MDGA2: variants seen among roughly 807,000 people sequenced by gnomAD.
The protein encoded by MDGA2 is MAM domain containing glycosylphosphatidylinositol anchor 2, also known as MAM domain-containing glycosylphosphatidylinositol anchor protein 2.
MDGA2 carries 40 observed loss-of-function variants against 117.8 expected under a neutral mutation model. The ratio of observed to expected loss-of-function variants is 0.34; its 90% CI spans 0.26 to 0.44. The LOEUF is 0.44. MDGA2 is among the 20% of genes least tolerant of loss of function. The pLI is 1.00. For synonymous variants in MDGA2, 452 were observed against 439.0 expected, an observed-to-expected ratio of 1.03 and a Z score of -0.37; for missense variants, 1,123 against 1,250.6, an observed-to-expected ratio of 0.90 and a Z score of 1.54.
chr14:47,563,578 GTTTTTTTTTTTTTTT>G (rs56244321), intron 1 of MDGA2, among the ~76,000 whole-genome samples: 2,610 of 57,030 alleles, frequency 0.046, 68 homozygotes, highest in East Asian at 0.19. Context: ...GCTTTTTTCT[GTTTTTTTTTTTTTTT>G]TTTTTTTTTT....
At chr14:46,878,021 T>C (rs756665408) in intron 11 of MDGA2, among the ~76,000 whole-genome samples, 1 of 151,940 alleles carries the variant, frequency 6.6e-6, no homozygotes, top group African/African-American at 2.4e-5. Context: ...TGTACTAAAA[T>C]GAATAGCTAC....
intron 1 of MDGA2, among the ~76,000 whole-genome samples, chr14:47,308,247 A>G (rs2139833564): frequency 6.6e-6 from 1 of 152,290 alleles, no homozygotes; most frequent in African/African-American, 2.4e-5. Flanking sequence ...ACCGCTATTT[A>G]GGCTTACTCA....
intron 9 of MDGA2, among the ~76,000 whole-genome samples, chr14:46,955,559 C>T (rs894470600): frequency 2.6e-5 from 4 of 152,042 alleles, no homozygotes; most frequent in African/African-American, 9.7e-5. Flanking sequence ...TATTTTCACA[C>T]CCCTTCTGAC....
chr14:47,476,542 A>G (rs1051487998), intron 1 of MDGA2, among the ~76,000 whole-genome samples: 1 of 152,166 alleles, frequency 6.6e-6, no homozygotes, highest in Non-Finnish European at 1.5e-5. Flanking sequence ...AGTGAAGAAA[A>G]AAAATAGAAA....
At chr14:47,407,850 A>G (rs566932150) in intron 1 of MDGA2, among the ~76,000 whole-genome samples, 15 of 152,270 alleles carry the variant, frequency 9.9e-5, no homozygotes, top group African/African-American at 3.1e-4. Flanking sequence ...GTTAAACAAA[A>G]CAGGTGCAGA....
At chr14:47,397,242 A>T (rs547324813) in intron 1 of MDGA2, among the ~76,000 whole-genome samples, 1 of 152,212 alleles carries the variant, frequency 6.6e-6, no homozygotes, top group Non-Finnish European at 1.5e-5. Context: ...AGAAAACCAA[A>T]CACCACATGT....
intron 5 of MDGA2, among the ~76,000 whole-genome samples, chr14:47,120,182 G>A (rs900758456): frequency 2.0e-5 from 3 of 152,104 alleles, no homozygotes; most frequent in South Asian, 2.1e-4. Context: ...AAGTAAAAAC[G>A]TAAAGAGTAG....
intron 1 of MDGA2, among the ~76,000 whole-genome samples, chr14:47,443,259 A>G (rs1324305331): frequency 1.3e-5 from 2 of 152,142 alleles, no homozygotes; most frequent in East Asian, 3.9e-4. Context: ...TCCAGAGTGC[A>G]TGATAAATGC....
Position 47,162,462 on chromosome 14 carries a change from G to A in MDGA2, c.596-18188C>T, listed in dbSNP as rs185333327. On this transcript the variant is annotated intron_variant, in intron 3 of 16. Coordinates refer to ENST00000399232, the MANE Select transcript of MDGA2 (RefSeq NM_001113498.3). ...AGATATTATTCTGCTGCCTTTTATC[G>A]TTTGAAATCAAATATAAGAACTCTG... Among the ~76,000 whole-genome samples the A allele has an allele frequency of 2.4e-4, 37 of 151,980 alleles. 1 individual carries two copies. The highest frequency in any genetic ancestry group is 1.6e-3 in the East Asian group (8 of 5,148).
At chr14:46,966,541 A>G (rs1417935598) in intron 8 of MDGA2, among the ~76,000 whole-genome samples, 1 of 152,222 alleles carries the variant, frequency 6.6e-6, no homozygotes, top group Non-Finnish European at 1.5e-5. Context: ...AATTTAAAGA[A>G]AAATGTTACA....
rs565154936 is a variant in MDGA2 at position 47,176,011 on chromosome 14, T to C, written c.596-31737A>G. On this transcript the variant is annotated intron_variant, in intron 3 of 16. Transcript: ENST00000399232. ...AGCATTCTTATACACCAATAACAGA[T>C]GAACAGAGAGCCAAATCATGAGTGA... 5.9e-4 allele frequency among the ~76,000 whole-genome samples: 90 copies of C among 152,018 alleles called. 1 individual carries two copies. In the East Asian group the frequency reaches 0.014, roughly 23 times the overall value.
chr14:47,575,858 A>G (rs1401123942), intron 1 of MDGA2, among the ~76,000 whole-genome samples: 1 of 152,214 alleles, frequency 6.6e-6, no homozygotes, highest in Non-Finnish European at 1.5e-5. Flanking sequence ...TTTAATACTG[A>G]TATTATGTAA....
chr14:47,257,987 C>G, intron 2 of MDGA2, among the ~76,000 whole-genome samples: 1 of 152,134 alleles, frequency 6.6e-6, no homozygotes, highest in East Asian at 1.9e-4. Flanking sequence ...ATGGTTACAT[C>G]ACCTCTTTAA....
chr14:47,176,755 T>A (rs1018832376), intron 3 of MDGA2, among the ~76,000 whole-genome samples: 2 of 152,082 alleles, frequency 1.3e-5, no homozygotes, highest in Non-Finnish European at 2.9e-5. Flanking sequence ...AGACTTCATG[T>A]CTAAAACACC....
intron 1 of MDGA2, among the ~76,000 whole-genome samples, chr14:47,387,953 G>A (rs2138431220): frequency 6.6e-6 from 1 of 152,268 alleles, no homozygotes; most frequent in Middle Eastern, 3.4e-3. Context: ...CTTTTGGCTA[G>A]TAAATCTCAC....
intron 11 of MDGA2, among the ~76,000 whole-genome samples, chr14:46,878,838 C>G (rs1052298336): frequency 6.6e-6 from 1 of 151,924 alleles, no homozygotes; most frequent in African/African-American, 2.4e-5. Flanking sequence ...TGAATTATAA[C>G]TTAGTTCTAA....
Position 47,301,541 on chromosome 14 carries a change from G to T in MDGA2, c.290C>A (p.Thr97Lys), listed in dbSNP as rs768977988. 6.4e-7 allele frequency: 1 copy of T among 1,551,610 alleles called. No individual in the cohort carries two copies. The highest frequency in any genetic ancestry group is 8.7e-7 in the Non-Finnish European group (1 of 1,146,938). The change falls in exon 2 of 17, where the codon ACG (threonine) becomes AAG (lysine). Residue 97 changes from threonine (T) to lysine (K), a missense_variant. Physicochemically the swap from Thr to Lys is moderately conservative, Grantham distance 78. This residue lies in a region of MDGA2 where 233 missense variants were observed against 200.3 expected (regional missense o/e 1.16). Transcript: ENST00000399232. ...CAAGCCTGAGTGCACAATACGAACCGTGGGAGGAGCTGTCGAGTCAGGAAG... is the reference window on the plus strand; with the variant it reads ...CAAGCCTGAGTGCACAATACGAACCTTGGGAGGAGCTGTCGAGTCAGGAAG... ...ISGQGVYAPP[T>K]VRIVHSGLAC... is the part of the protein sequence containing the mutation.
chr14:46,861,900 T>C (rs1033977098), intron 14 of MDGA2, among the ~76,000 whole-genome samples: 15 of 151,908 alleles, frequency 9.9e-5, no homozygotes, highest in East Asian at 3.9e-4. Context: ...TCAACAAAAT[T>C]AGAACTTGTG....
chr14:47,393,788 T>G (rs1051050997), intron 1 of MDGA2, among the ~76,000 whole-genome samples: 1 of 152,182 alleles, frequency 6.6e-6, no homozygotes, highest in Non-Finnish European at 1.5e-5. Flanking sequence ...AAGAAAATCT[T>G]GTGACCTGTG....
Sources: allele counts gnomAD v4.1 joint callset (sites outside exome capture counted in the v4.1 genomes callset), GRCh38; gene constraint gnomAD v4.1.1; regional missense constraint gnomAD v4.1.1; transcripts MANE v1.5; gene names NCBI Gene and HGNC (gene_info 2026-07-23, HGNC 2026-07-21).